The following SNX25 variants were observed in gnomAD, a reference collection of about 807,000 sequenced individuals.
The protein encoded by SNX25 is sorting nexin 25.
A neutral mutation model predicts 113.7 loss-of-function variants in SNX25; 62 were observed. That is an observed-to-expected ratio of 0.55 (90% CI 0.44 to 0.67). The LOEUF (loss-of-function observed/expected upper bound fraction) is 0.67, where lower values mean the gene tolerates loss of function less well. SNX25 is among the 30% of genes least tolerant of loss of function. The pLI, the probability that SNX25 is intolerant of heterozygous loss-of-function variation, is 0.00. For missense variants in SNX25, 1,014 were observed against 1,161.0 expected (o/e 0.87, Z 1.84); for synonymous variants, 421 against 436.2 (o/e 0.97, Z 0.43).
At chr4:185,266,381 G>A (rs1464134734) in intron 4 of SNX25, among the ~76,000 whole-genome samples, 1 of 152,128 alleles carries the variant, frequency 6.6e-6, no homozygotes, top group Non-Finnish European at 1.5e-5. Flanking sequence ...TGTTTTTTGA[G>A]ATGGAGTCTC....
intron 5 of SNX25, among the ~76,000 whole-genome samples, chr4:185,278,715 C>A (rs575602042): frequency 1.3e-5 from 2 of 152,036 alleles, no homozygotes; most frequent in African/African-American, 4.8e-5. Context: ...CAATATAGAA[C>A]ATAAAACTAG....
At chr4:185,212,625 G>A (rs1031704748) in intron 1 of SNX25, among the ~76,000 whole-genome samples, 6 of 151,976 alleles carry the variant, frequency 3.9e-5, no homozygotes, top group African/African-American at 9.7e-5. Context: ...AATTATCGGC[G>A]TGAGCCACCG....
downstream of SNX25, among the ~76,000 whole-genome samples, chr4:185,374,970 C>G (rs2095428373): frequency 6.6e-6 from 1 of 152,122 alleles, no homozygotes; most frequent in Non-Finnish European, 1.5e-5. Context: ...AATACGACAT[C>G]TGCTACGTGG....
chr4:185,291,673 G>A (rs1752190304), intron 6 of SNX25, among the ~76,000 whole-genome samples: 2 of 152,308 alleles, frequency 1.3e-5, no homozygotes, highest in African/African-American at 4.8e-5. Flanking sequence ...AATCCTTGGT[G>A]TTCCCTGGCC....
chr4:185,256,941 C>T (rs1746529739), intron 2 of SNX25, among the ~76,000 whole-genome samples: 3 of 151,910 alleles, frequency 2.0e-5, no homozygotes, highest in African/African-American at 4.8e-5. Context: ...TATCCTGAAG[C>T]TTCTAATTTG....
At chr4:185,256,613 C>T (rs1303717583) in intron 2 of SNX25, among the ~76,000 whole-genome samples, 2 of 147,730 alleles carry the variant, frequency 1.4e-5, no homozygotes, top group Admixed American at 1.4e-4. Context: ...CCAGAGAGCT[C>T]ACCTAAATTT....
Position 185,209,855 on chromosome 4 carries a change from G to A in SNX25, c.29G>A (p.Gly10Asp). Residue 10 changes from glycine (G) to aspartate (D), a missense_variant, in exon 1 of 19, where the codon GGC becomes GAC. Gly to Asp is a moderately conservative substitution (Grantham distance 94, BLOSUM62 -1). Coordinates refer to ENST00000652585, the MANE Select transcript of SNX25 (RefSeq NM_001378034.2). The surrounding 1 kb of genome is among the most constrained non-coding windows in gnomAD (Gnocchi z 5.2). MHPDATDSG[G>D]AGPSPARAAG... is the part of the protein sequence containing the mutation. Reference sequence around the variant, plus strand: ...CACCCCGATGCGACCGACAGTGGCGGCGCCGGCCCCAGCCCCGCGCGGGCC... The same window carrying A: ...CACCCCGATGCGACCGACAGTGGCGACGCCGGCCCCAGCCCCGCGCGGGCC... 2.0e-6 allele frequency: 2 copies of A among 983,458 alleles called. No homozygotes were observed. Among genetic ancestry groups the A allele is most frequent in the South Asian group, 9.4e-5 (2 of 21,284 alleles). The allele number at this position is 983,458 out of a possible 1,614,324, so 60.9% of individuals were successfully genotyped here.
At chr4:185,291,204 TGTG>T (rs1732355348) in intron 6 of SNX25, among the ~76,000 whole-genome samples, 1 of 152,172 alleles carries the variant, frequency 6.6e-6, no homozygotes, top group Admixed American at 6.5e-5. Flanking sequence ...GAGGGTTAAT[TGTG>T]GTGAAATATA....
At chr4:185,274,595 A>G (rs1287242978) in intron 5 of SNX25, among the ~76,000 whole-genome samples, 1 of 152,168 alleles carries the variant, frequency 6.6e-6, no homozygotes, top group Non-Finnish European at 1.5e-5. Context: ...GAATAGCTCT[A>G]CTTCCCACAC....
rs1409762579 is a variant in SNX25, at chr4:185,224,516, TAAATATATATAC to T, written c.429+14263_429+14274del. Among the ~76,000 whole-genome samples the T allele has an allele frequency of 2.0e-3, 251 of 125,974 alleles. 4 individuals are homozygous for T. The highest frequency in any genetic ancestry group is 7.4e-3 in the African/African-American group (237 of 32,202). The allele number at this position is 125,974 out of a possible 152,430, so 82.6% of individuals were successfully genotyped here. On this transcript the variant is annotated intron_variant, in intron 1 of 18. Coordinates refer to ENST00000652585, the MANE Select transcript of SNX25 (RefSeq NM_001378034.2). ...ATAGATATATAAATATATAGATATATAAATATATATACATATATATAAATATATATACATATA... is the reference window on the plus strand; with the variant it reads ...ATAGATATATAAATATATAGATATATATATATATAAATATATATACATATA...
chr4:185,295,169 C>G (rs1055005661), intron 6 of SNX25, among the ~76,000 whole-genome samples: 5 of 152,076 alleles, frequency 3.3e-5, no homozygotes, highest in African/African-American at 1.2e-4. Context: ...TTTTGGAGAT[C>G]TTTGCATTTT....
chr4:185,275,088 A>G (rs1265757774), intron 5 of SNX25, among the ~76,000 whole-genome samples: 3 of 152,156 alleles, frequency 2.0e-5, no homozygotes, highest in Non-Finnish European at 4.4e-5. Context: ...AAGTGTTGAC[A>G]GCTATTATTA....
At chr4:185,331,330 C>T (rs1226361024) in intron 9 of SNX25, among the ~76,000 whole-genome samples, 5 of 152,182 alleles carry the variant, frequency 3.3e-5, no homozygotes, top group Admixed American at 3.3e-4. Flanking sequence ...TAATTATTCT[C>T]ATACAATGCT....
At chr4:185,342,698 G>A (rs193275791) in intron 12 of SNX25, among the ~76,000 whole-genome samples, 213 of 147,846 alleles carry the variant, frequency 1.4e-3, no homozygotes, top group Non-Finnish European at 2.6e-3. Flanking sequence ...GCGGTGCTTG[G>A]AGGATTCTAT....
Position 185,209,608 on chromosome 4 carries a change from C to G in SNX25, c.-219C>G, listed in dbSNP as rs1369829571. The G allele has an allele frequency of 9.5e-6, 4 of 418,968 alleles. No individual in the cohort carries two copies. The highest frequency in any genetic ancestry group is 3.2e-4 in the East Asian group (2 of 6,312). The allele number at this position is 418,968 out of a possible 1,614,324, so 26.0% of individuals were successfully genotyped here. ...GGCTGGCCAGGCTTCAGTCACAACA[C>G]GGTGGGGCTCCCTGGCTGCGCCCGG... On this transcript the variant is annotated 5_prime_UTR_variant, in exon 1 of 19. Coordinates refer to ENST00000652585, the MANE Select transcript of SNX25 (RefSeq NM_001378034.2). The surrounding 1 kb of genome is among the most constrained non-coding windows in gnomAD (Gnocchi z 5.2).
chr4:185,241,664 G>A (rs1263245627), intron 1 of SNX25, among the ~76,000 whole-genome samples: 36 of 151,802 alleles, frequency 2.4e-4, no homozygotes, highest in Admixed American at 2.4e-3. Context: ...ATTGTGATAC[G>A]CATACTGAAA....
intron 1 of SNX25, among the ~76,000 whole-genome samples, chr4:185,223,776 C>T (rs1037493913): frequency 2.0e-5 from 3 of 150,232 alleles, no homozygotes; most frequent in Admixed American, 6.6e-5. Context: ...ACCTGGTTCT[C>T]TTTCCTTTTG....
the SNX25 span, chr4:185,378,408 T>A: frequency 7.4e-7 from 1 of 1,358,826 alleles, no homozygotes; most frequent in South Asian, 1.8e-5. Context: ...AGACAGCCAT[T>A]CTCCATGTCA....
chr4:185,242,272 G>A (rs1306696744), intron 1 of SNX25, among the ~76,000 whole-genome samples: 2 of 152,030 alleles, frequency 1.3e-5, no homozygotes, highest in African/African-American at 2.4e-5. Flanking sequence ...CCAAGCAAGC[G>A]GACACCAGCT....
Sources: allele counts gnomAD v4.1 joint callset (sites outside exome capture counted in the v4.1 genomes callset), GRCh38; gene constraint gnomAD v4.1.1; non-coding constraint Gnocchi (gnomAD v3.1); transcripts MANE v1.5; gene names NCBI Gene and HGNC (gene_info 2026-07-23, HGNC 2026-07-21).